CFAP70: variants seen among roughly 807,000 people sequenced by gnomAD.
CFAP70 encodes the protein cilia- and flagella-associated protein 70.
Under a neutral mutation model 137.6 loss-of-function variants are expected in CFAP70, and 81 were observed. The ratio of observed to expected loss-of-function variants is 0.59; its 90% CI spans 0.49 to 0.71. The LOEUF (loss-of-function observed/expected upper bound fraction) is 0.71. CFAP70 is among the 30% of genes least tolerant of loss of function. The probability of loss-of-function intolerance (pLI) is 0.00; values close to 1 mark genes in which losing one functional copy is unlikely to be tolerated. For missense variants in CFAP70, 976 were observed against 1,226.7 expected (o/e 0.80, Z 3.05); for synonymous variants, 382 against 423.6 (o/e 0.90, Z 1.20).
chr10:73,350,883 C>G (rs1182039927), intron 3 of CFAP70, among the ~76,000 whole-genome samples: 2 of 151,452 alleles, frequency 1.3e-5, no homozygotes, highest in African/African-American at 2.4e-5. Context: ...ACCTCAGCCT[C>G]TGGAGTAGCT....
intron 7 of CFAP70, among the ~76,000 whole-genome samples, chr10:73,333,682 T>C (rs1054974222): frequency 6.6e-6 from 1 of 152,112 alleles, no homozygotes; most frequent in African/African-American, 2.4e-5. Context: ...AAAGGAGAAA[T>C]AAACCCTTTC....
intron 16 of CFAP70, among the ~76,000 whole-genome samples, chr10:73,292,737 C>T (rs1370944866): frequency 2.0e-5 from 3 of 151,976 alleles, no homozygotes; most frequent in Admixed American, 6.6e-5. Context: ...CTTTGTCATA[C>T]ATATGTTTTA....
intron 3 of CFAP70, among the ~76,000 whole-genome samples, chr10:73,350,623 T>G (rs184133874): frequency 6.6e-6 from 1 of 152,146 alleles, no homozygotes; most frequent in South Asian, 2.1e-4. Flanking sequence ...ATATATATAT[T>G]TTTTTTCTGT....
At chr10:73,355,136 G>A (rs758842392) in intron 1 of CFAP70, among the ~76,000 whole-genome samples, 3 of 152,080 alleles carry the variant, frequency 2.0e-5, no homozygotes, top group Non-Finnish European at 4.4e-5. Context: ...TCCCCACCCC[G>A]AACCATGAAC....
intron 9 of CFAP70, among the ~76,000 whole-genome samples, chr10:73,318,564 C>T (rs141864725): frequency 3.9e-4 from 59 of 152,238 alleles, no homozygotes; most frequent in African/African-American, 1.4e-3. Context: ...TATTTCATCT[C>T]ATTTAATAGG....
chr10:73,348,345 G>A (rs1269797586), intron 4 of CFAP70, 78 bp downstream of exon 4: 3 of 1,537,108 alleles, frequency 2.0e-6, no homozygotes, highest in African/African-American at 1.4e-5. Flanking sequence ...AATTCATTGA[G>A]GCTAATTTCT....
chr10:73,340,111 G>C (rs1005800939), intron 6 of CFAP70, among the ~76,000 whole-genome samples: 4 of 152,232 alleles, frequency 2.6e-5, no homozygotes, highest in Admixed American at 6.5e-5. Context: ...CCTCTCTGCA[G>C]GCAGGTTGTC....
intron 25 of CFAP70, among the ~76,000 whole-genome samples, chr10:73,264,443 C>A (rs1772547735): frequency 6.6e-6 from 1 of 152,180 alleles, no homozygotes; most frequent in East Asian, 1.9e-4. Context: ...ATCTATCAAA[C>A]AATGAGCTCT....
intron 5 of CFAP70, among the ~76,000 whole-genome samples, chr10:73,344,184 G>A (rs899422312): frequency 3.3e-5 from 5 of 151,828 alleles, no homozygotes; most frequent in Admixed American, 6.6e-5. Flanking sequence ...GGCTGGTCTC[G>A]AACTCCTAAC....
intron 24 of CFAP70, among the ~76,000 whole-genome samples, chr10:73,271,086 G>A (rs937600338): frequency 5.3e-5 from 8 of 152,192 alleles, no homozygotes; most frequent in African/African-American, 1.9e-4. Context: ...ACCGAGCCCC[G>A]GAGGCAGGGA....
In CFAP70 at chr10:73,312,392, T is replaced by C. The variant is rs961884796; in HGVS notation, c.1083+81A>G. On this transcript the variant is annotated intron_variant, in intron 10 of 26. Transcript: ENST00000310715. Reference sequence around the variant, plus strand: ...AAAAAAAAATGCAAACTAACATTGATACCAGTCACCAAGTGAGAAATCAGT... The same window carrying C: ...AAAAAAAAATGCAAACTAACATTGACACCAGTCACCAAGTGAGAAATCAGT... 6.8e-6 allele frequency: 7 copies of C among 1,028,278 alleles called. No homozygotes were observed. In the East Asian group the frequency reaches 1.8e-4, roughly 26 times the overall value. The allele number at this position is 1,028,278 out of a possible 1,614,324, so 63.7% of individuals were successfully genotyped here. A position where few individuals can be genotyped will look rare whatever the true frequency, so the allele number is the denominator to read the frequency against.
chr10:73,289,783 T>A (rs1045583601), intron 19 of CFAP70, among the ~76,000 whole-genome samples: 3 of 151,446 alleles, frequency 2.0e-5, no homozygotes, highest in Non-Finnish European at 2.9e-5. Flanking sequence ...TGGTGGCTTA[T>A]GCCTGTAATC....
intron 25 of CFAP70, among the ~76,000 whole-genome samples, chr10:73,256,902 C>CAAAAA (rs55805225): frequency 1.7e-5 from 1 of 58,304 alleles, no homozygotes; most frequent in African/African-American, 5.9e-5. Context: ...GACTCCATCT[C>CAAAAA]AAAAAAAAAA....
At chr10:73,345,104 C>T in exon 5 of CFAP70, 1 of 1,614,102 alleles carries the variant, frequency 6.2e-7, no homozygotes, top group Non-Finnish European at 8.5e-7. Context: ...CCATGTAGTT[C>T]TGCCCAGGAC....
chr10:73,360,590 TA>T (rs1258121139), upstream of CFAP70, among the ~76,000 whole-genome samples: 2 of 152,216 alleles, frequency 1.3e-5, no homozygotes, highest in Non-Finnish European at 2.9e-5. Flanking sequence ...AGTCAAATTT[TA>T]AAATTTTTAT....
At chr10:73,348,922 C>G (rs1589591147) in intron 3 of CFAP70, among the ~76,000 whole-genome samples, 1 of 152,092 alleles carries the variant, frequency 6.6e-6, no homozygotes, top group Non-Finnish European at 1.5e-5. Flanking sequence ...ATTAGCCAGG[C>G]ATAGTGGCCC....
At chr10:73,313,155 G>A (rs1179678138) in intron 9 of CFAP70, among the ~76,000 whole-genome samples, 7 of 151,558 alleles carry the variant, frequency 4.6e-5, no homozygotes, top group Non-Finnish European at 8.8e-5. Flanking sequence ...TGTGGATCAC[G>A]AGGTCAGGAG....
chr10:73,254,537 A>C (rs2044277545), intron 26 of CFAP70, among the ~76,000 whole-genome samples: 1 of 152,154 alleles, frequency 6.6e-6, no homozygotes, highest in East Asian at 1.9e-4. Context: ...ACAAAATCTT[A>C]ATTTCTTTTC....
At chr10:73,277,384 A>AT in intron 20 of CFAP70, 23 bp from the exon 22 acceptor site, 5 of 1,610,980 alleles carry the variant, frequency 3.1e-6, no homozygotes, top group Non-Finnish European at 4.2e-6. Flanking sequence ...CATTAAAAGG[A>AT]TTGAAGATTG....
Sources: allele counts gnomAD v4.1 joint callset (sites outside exome capture counted in the v4.1 genomes callset), GRCh38; gene constraint gnomAD v4.1.1; transcripts MANE v1.5; gene names NCBI Gene and HGNC (gene_info 2026-07-23, HGNC 2026-07-21).